Variants in DIAPH2 observed in about 807,000 individuals in gnomAD.
DIAPH2 encodes diaphanous related formin 2, also known as protein diaphanous homolog 2.
Under a neutral mutation model 92.7 loss-of-function variants are expected in DIAPH2, and 35 were observed. That is an observed-to-expected ratio of 0.38 (90% confidence interval 0.29 to 0.50). The LOEUF (loss-of-function observed/expected upper bound fraction) is 0.50. Ranked by LOEUF, DIAPH2 falls within the 20% of genes least tolerant of loss-of-function variation. The pLI is 0.94. For missense variants in DIAPH2, 701 were observed against 819.5 expected (o/e 0.86, Z 1.77); for synonymous variants, 301 against 280.4 (o/e 1.07, Z -0.73).
chrX:97,295,229 C>A (rs764582793), intron 23 of DIAPH2, among the ~76,000 whole-genome samples: 7 of 111,706 alleles, frequency 6.3e-5, no homozygotes, highest in Non-Finnish European at 1.1e-4. Context: ...CAATAATTAT[C>A]ATTTTTACCA....
chrX:97,578,488 A>G (rs1221485512), intron 26 of DIAPH2, among the ~76,000 whole-genome samples: 1 of 101,684 alleles, frequency 9.8e-6, no homozygotes, highest in African/African-American at 3.6e-5. Context: ...TGTCCCTACA[A>G]AGGACATGAA....
intron 3 of DIAPH2, among the ~76,000 whole-genome samples, chrX:96,741,198 C>T (rs1255251329): frequency 9.1e-6 from 1 of 109,311 alleles, no homozygotes; most frequent in East Asian, 2.9e-4. Context: ...TTCTGAGCAG[C>T]ATGTAAACAT....
intron 23 of DIAPH2, among the ~76,000 whole-genome samples, chrX:97,327,636 C>T (rs778344833): frequency 5.4e-4 from 60 of 112,073 alleles, no homozygotes; most frequent in South Asian, 2.6e-3. Flanking sequence ...GACAGGGTTT[C>T]GCCATGTTGG....
chrX:96,761,824 A>G (rs2064271272), intron 4 of DIAPH2, among the ~76,000 whole-genome samples: 1 of 111,206 alleles, frequency 9.0e-6, no homozygotes, highest in Admixed American at 9.6e-5. Context: ...ATTGAGGTCA[A>G]TAGCATATCT....
chrX:97,023,664 G>A (rs5921193), intron 17 of DIAPH2, among the ~76,000 whole-genome samples: 4,023 of 111,256 alleles, frequency 0.036, 89 homozygotes, highest in Middle Eastern at 0.084. Flanking sequence ...TTCCAAATGT[G>A]GCATTTCATT....
At chrX:96,696,292 C>T (rs1388847679) in intron 1 of DIAPH2, among the ~76,000 whole-genome samples, 1 of 111,561 alleles carries the variant, frequency 9.0e-6, no homozygotes, top group Non-Finnish European at 1.9e-5. Flanking sequence ...AGAGATAAGC[C>T]GACTACTTTT....
At chrX:97,075,577 A>G (rs1443490326) in intron 19 of DIAPH2, among the ~76,000 whole-genome samples, 1 of 111,809 alleles carries the variant, frequency 8.9e-6, no homozygotes, top group African/African-American at 3.2e-5. Context: ...AAATGGCTGC[A>G]TTAAGTGTAT....
intron 5 of DIAPH2, among the ~76,000 whole-genome samples, chrX:96,900,181 T>C (rs1440761143): frequency 8.9e-6 from 1 of 111,885 alleles, no homozygotes; most frequent in Non-Finnish European, 1.9e-5. Context: ...CTTATAGAGA[T>C]ATTTTGCCTC....
chrX:97,528,375 G>A (rs1295445544), intron 26 of DIAPH2: 2 of 112,096 alleles, frequency 1.8e-5, no homozygotes, highest in South Asian at 3.7e-4. Context: ...AATTTATAAC[G>A]AAAGGAGATT....
At chrX:97,178,444 T>TC (rs1169388915) in intron 22 of DIAPH2, among the ~76,000 whole-genome samples, 3 of 56,360 alleles carry the variant, frequency 5.3e-5, no homozygotes, top group Non-Finnish European at 9.6e-5. Context: ...TATATTTCTC[T>TC]TTTTTTTTTT....
At chrX:97,156,528 A>T (rs2067324301) in intron 22 of DIAPH2, among the ~76,000 whole-genome samples, 1 of 112,081 alleles carries the variant, frequency 8.9e-6, no homozygotes, top group Non-Finnish European at 1.9e-5. Flanking sequence ...GTACTGTCAA[A>T]CCTTATTTTA....
At position 96,738,709 on chromosome X, in the gene DIAPH2, C is replaced by T. The variant is rs2064102098; in HGVS notation, c.289C>T (p.Arg97Ter). 8.3e-7 allele frequency: 1 copy of T among 1,206,295 alleles called. No homozygotes were observed. ...TGCAGCTCAGCCATTATATGATGAA[C>T]GATCTTTGAATTTGTCAGAAAAGGA... is the stretch of plus-strand genomic sequence containing the variant. ...FPAAQPLYDERSLNLSEKEVL... is the reference protein window; with the variant it reads ...FPAAQPLYDE Residue 97 changes from arginine (R) to a stop codon, truncating the protein, a stop_gained, in exon 3 of 27, where the codon CGA (arginine) becomes TGA (stop). Coordinates refer to ENST00000324765, the MANE Select transcript of DIAPH2 (RefSeq NM_006729.5). LOFTEE classifies it high-confidence loss of function.
intron 24 of DIAPH2, among the ~76,000 whole-genome samples, chrX:97,353,215 T>C (rs1280135366): frequency 9.0e-6 from 1 of 111,249 alleles, no homozygotes; most frequent in Non-Finnish European, 1.9e-5. Flanking sequence ...CTTTCTATGC[T>C]TCAGTCATTC....
At chrX:97,561,311 T>G (rs1382486517) in intron 26 of DIAPH2, among the ~76,000 whole-genome samples, 2 of 112,334 alleles carry the variant, frequency 1.8e-5, no homozygotes, top group Non-Finnish European at 3.8e-5. Flanking sequence ...ATAATTTCTC[T>G]TCCTTTAATG....
At chrX:97,275,421 C>T (rs2068436226) in intron 23 of DIAPH2, among the ~76,000 whole-genome samples, 1 of 99,263 alleles carries the variant, frequency 1.0e-5, no homozygotes, top group East Asian at 3.3e-4. Context: ...GCGGGGGCTG[C>T]CCCCCCTTCA....
intron 15 of DIAPH2, among the ~76,000 whole-genome samples, chrX:96,952,942 G>T (rs1185657609): frequency 1.2e-4 from 13 of 106,343 alleles, no homozygotes; most frequent in Admixed American, 2.0e-4. Flanking sequence ...GGGCCACATA[G>T]TGAGACCCCA....
chrX:97,419,501 C>T (rs1271031135), intron 25 of DIAPH2, among the ~76,000 whole-genome samples: 1 of 111,710 alleles, frequency 9.0e-6, no homozygotes, highest in East Asian at 2.8e-4. Flanking sequence ...CAAAATCATC[C>T]TTAGCACATG....
In DIAPH2 at chrX:97,158,629, C is replaced by T. The variant is rs140721453; in HGVS notation, c.2719+16835C>T. Among the ~76,000 whole-genome samples the T allele has an allele frequency of 1.3e-4, 15 of 112,490 alleles. No individual in the cohort carries two copies. The East Asian group carries it at 4.2e-3, about 31-fold the overall frequency. ...TTTGCATGAAAGAAAAAAGAAATCA[C>T]TCCTTTGACATTCGATGGAGGGAAA... On this transcript the variant is annotated intron_variant, in intron 22 of 26. Transcript: ENST00000324765.
chrX:96,765,903 G>T (rs913689428), intron 4 of DIAPH2, among the ~76,000 whole-genome samples: 2 of 110,689 alleles, frequency 1.8e-5, no homozygotes, highest in African/African-American at 6.6e-5. Context: ...TTTTGAGCTG[G>T]AATGCCGTTT....
Sources: gnomAD v4.1 joint callset for allele counts (sites outside exome capture counted in the v4.1 genomes callset) on GRCh38, gnomAD v4.1.1 for gene constraint, MANE v1.5 for transcripts, NCBI Gene and HGNC (gene_info 2026-07-23, HGNC 2026-07-21) for gene names.